CADPS2: variants seen among roughly 807,000 people sequenced by gnomAD.
CADPS2 encodes the protein calcium dependent secretion activator 2.
In CADPS2, 93 loss-of-function variants were observed where a neutral mutation model predicts 172.5. The ratio of observed to expected loss-of-function variants is 0.54; its 90% CI spans 0.46 to 0.64. CADPS2 has a LOEUF of 0.64. Ranked by LOEUF, CADPS2 falls within the 30% of genes least tolerant of loss-of-function variation. The pLI, the probability that CADPS2 is intolerant of heterozygous loss-of-function variation, is 0.00. For missense variants in CADPS2, 1,420 were observed against 1,565.9 expected (o/e 0.91, Z 1.57); for synonymous variants, 546 against 555.2 (o/e 0.98, Z 0.23).
intron 2 of CADPS2, chr7:122,702,443 G>A (rs767514604): frequency 1.2e-6 from 2 of 1,613,680 alleles, no homozygotes; most frequent in East Asian, 2.2e-5. Flanking sequence ...TTCGATGAGG[G>A]CCAGCCATGA....
chr7:122,570,627 C>T (rs1308539475), intron 7 of CADPS2, among the ~76,000 whole-genome samples: 2 of 150,292 alleles, frequency 1.3e-5, no homozygotes, highest in Non-Finnish European at 2.9e-5. Context: ...AGACTTGGAA[C>T]CAACCCAAAT....
At chr7:122,470,920 G>A (rs1159297781) in intron 14 of CADPS2, among the ~76,000 whole-genome samples, 1 of 152,162 alleles carries the variant, frequency 6.6e-6, no homozygotes, top group African/African-American at 2.4e-5. Flanking sequence ...AAGTGGCTAA[G>A]AAGAGACTCT....
At chr7:122,690,408 C>T (rs2084184975) in intron 2 of CADPS2, among the ~76,000 whole-genome samples, 2 of 152,128 alleles carry the variant, frequency 1.3e-5, no homozygotes, top group Admixed American at 1.3e-4. Context: ...GGCCGTTCCC[C>T]TACGAACGGC....
chr7:122,323,874 TATA>T (rs1184259301), intron 29 of CADPS2, among the ~76,000 whole-genome samples: 23 of 14,998 alleles, frequency 1.5e-3, no homozygotes, highest in African/African-American at 7.7e-3. Context: ...ATGTATATTT[TATA>T]TATATATATA....
At chr7:122,442,760 T>C (rs1373369975) in intron 15 of CADPS2, among the ~76,000 whole-genome samples, 1 of 152,106 alleles carries the variant, frequency 6.6e-6, no homozygotes, top group African/African-American at 2.4e-5. Flanking sequence ...TGCAAATAAA[T>C]GTTATATAAA....
chr7:122,377,807 A>AT (rs1010649617), intron 25 of CADPS2, among the ~76,000 whole-genome samples: 1 of 151,990 alleles, frequency 6.6e-6, no homozygotes, highest in African/African-American at 2.4e-5. Context: ...ATCTGTAGGT[A>AT]TTTGGTGCAG....
In CADPS2 at chr7:122,637,208, T is replaced by TTTTTTTTTTTTTTTTTTTTTTCTC. The variant is rs778963218; in HGVS notation, c.787-7881_787-7880insGAGAAAAAAAAAAAAAAAAAAAAA. Among the ~76,000 whole-genome samples the TTTTTTTTTTTTTTTTTTTTTTCTC allele has an allele frequency of 6.4e-5, 4 of 62,694 alleles. 1 individual carries two copies. The highest frequency in any genetic ancestry group is 8.8e-5 in the Non-Finnish European group (3 of 34,068). The allele number at this position is 62,694 out of a possible 152,430, so 41.1% of individuals were successfully genotyped here. A position where few individuals can be genotyped will look rare whatever the true frequency, so the allele number is the denominator to read the frequency against. The stretch of plus-strand genomic sequence containing the variant: ...TTTTTTTTTTTTTTTTTTTTTTTTT[T>TTTTTTTTTTTTTTTTTTTTTTCTC]CCTGAGACAGGGTCTCACTCTGTGG... On this transcript the variant is annotated intron_variant, in intron 3 of 29. Transcript: ENST00000449022.
chr7:122,407,243 AGAT>A (rs2046760621), intron 20 of CADPS2, among the ~76,000 whole-genome samples: 1 of 152,186 alleles, frequency 6.6e-6, no homozygotes, highest in Non-Finnish European at 1.5e-5. Context: ...CAGCCTTTGA[AGAT>A]TTTCAGATTC....
At chr7:122,704,455 A>G (rs192515188) in intron 2 of CADPS2, among the ~76,000 whole-genome samples, 32 of 151,950 alleles carry the variant, frequency 2.1e-4, no homozygotes, top group African/African-American at 7.5e-4. Context: ...ATCATATTAG[A>G]GGTAATTTGT....
intron 1 of CADPS2, among the ~76,000 whole-genome samples, chr7:122,846,447 T>A (rs1812013445): frequency 6.6e-6 from 1 of 152,184 alleles, no homozygotes; most frequent in Non-Finnish European, 1.5e-5. Flanking sequence ...GCTACAAAAG[T>A]GGTGTTACAC....
chr7:122,339,984 G>T (rs548192228), intron 28 of CADPS2, among the ~76,000 whole-genome samples: 1 of 152,262 alleles, frequency 6.6e-6, no homozygotes, highest in Admixed American at 6.5e-5. Flanking sequence ...ATTTTGAGAA[G>T]CACATTCACT....
At chr7:122,443,695 A>C (rs2051696681) in intron 15 of CADPS2, among the ~76,000 whole-genome samples, 1 of 92,006 alleles carries the variant, frequency 1.1e-5, no homozygotes. Context: ...TGTCAGTTCC[A>C]GTTTCTGCTT....
chr7:122,533,882 T>C (rs2061995648), intron 8 of CADPS2, among the ~76,000 whole-genome samples: 1 of 152,154 alleles, frequency 6.6e-6, no homozygotes. Context: ...AGATGTTAAT[T>C]TGTTGCATGA....
chr7:122,574,009 C>A (rs551751339), intron 7 of CADPS2, among the ~76,000 whole-genome samples: 7 of 151,912 alleles, frequency 4.6e-5, no homozygotes, highest in Admixed American at 3.3e-4. Context: ...AAAGACAAAT[C>A]AAATGGCAAA....
chr7:122,543,661 C>T (rs902722352), intron 8 of CADPS2, among the ~76,000 whole-genome samples: 4 of 152,022 alleles, frequency 2.6e-5, no homozygotes, highest in Non-Finnish European at 4.4e-5. Context: ...TATCTGGGAA[C>T]ACAATTTGGG....
intron 8 of CADPS2, among the ~76,000 whole-genome samples, chr7:122,530,113 A>G (rs997592723): frequency 6.6e-6 from 1 of 152,162 alleles, no homozygotes; most frequent in African/African-American, 2.4e-5. Flanking sequence ...AGATATTATA[A>G]AAGGTAAAGA....
intron 3 of CADPS2, among the ~76,000 whole-genome samples, chr7:122,640,764 T>A (rs959332074): frequency 6.6e-6 from 1 of 151,992 alleles, no homozygotes; most frequent in African/African-American, 2.4e-5. Flanking sequence ...ACCACGTCTC[T>A]ACTAAAAAAA....
At chr7:122,355,862 A>G (rs1264017350) in intron 27 of CADPS2, among the ~76,000 whole-genome samples, 1 of 152,244 alleles carries the variant, frequency 6.6e-6, no homozygotes, top group Non-Finnish European at 1.5e-5. Context: ...AAGGGCACAT[A>G]GCCAGATAAA....
chr7:122,382,604 G>GTA (rs1191355869), intron 24 of CADPS2, among the ~76,000 whole-genome samples: 7 of 152,068 alleles, frequency 4.6e-5, no homozygotes, highest in African/African-American at 1.7e-4. Flanking sequence ...TTCCCATTTA[G>GTA]TATAACAGAC....
Sources: allele counts gnomAD v4.1 joint callset (sites outside exome capture counted in the v4.1 genomes callset), GRCh38; gene constraint gnomAD v4.1.1; transcripts MANE v1.5; gene names NCBI Gene and HGNC (gene_info 2026-07-23, HGNC 2026-07-21).